The following TULP4 variants were observed in gnomAD, a reference collection of about 807,000 sequenced individuals.
The protein encoded by TULP4 is TUB like protein 4.
A neutral mutation model predicts 129.0 loss-of-function variants in TULP4; 16 were observed. The observed-to-expected ratio is 0.12, with a 90% CI of 0.08 to 0.19. The LOEUF (loss-of-function observed/expected upper bound fraction) is 0.19, where lower values mean the gene tolerates loss of function less well. TULP4 is among the 10% of genes least tolerant of loss of function. The pLI, the probability that TULP4 is intolerant of heterozygous loss-of-function variation, is 1.00. For synonymous variants in TULP4, 998 were observed against 854.0 expected (o/e 1.17, Z -2.94); for missense variants, 1,842 against 2,059.1 (o/e 0.89, Z 2.04).
In TULP4 at chr6:158,502,558, C is replaced by G; in HGVS notation, c.2895C>G (p.Ala965=). The change falls in exon 13 of 14, where the codon GCC becomes GCG. Residue 965 remains alanine, a synonymous_variant. Transcript: ENST00000367097. ...TGDPPPYPEI[A]SQLAQGRGAA... is the part of the protein sequence containing the mutation. Reference sequence around the variant, plus strand: ...ACCCACCCCCGTATCCTGAAATTGCCAGCCAGCTGGCCCAGGGGCGGGGGG... The same window carrying G: ...ACCCACCCCCGTATCCTGAAATTGCGAGCCAGCTGGCCCAGGGGCGGGGGG... 1.2e-6 allele frequency: 2 copies of G among 1,607,518 alleles called. No individual in the cohort carries two copies. The highest frequency in any genetic ancestry group is 1.7e-6 in the Non-Finnish European group (2 of 1,179,928).
rs1562584501 is a variant in TULP4 at position 158,481,072 on chromosome 6, GAAC to G, written c.1274_1276del (p.Asn425del). ...TCCTCCAGCCCCCAATTCCAGATCCGAACAACATGAGAGACTTTGTCAGCTACC... is the reference window on the plus strand; with the variant it reads ...TCCTCCAGCCCCCAATTCCAGATCCGAACATGAGAGACTTTGTCAGCTACC... On this transcript the variant is annotated inframe_deletion, in exon 8 of 14. Coordinates refer to ENST00000367097, the MANE Select transcript of TULP4 (RefSeq NM_020245.5). 6.4e-7 allele frequency: 1 copy of G among 1,574,692 alleles called. No homozygotes were observed. The highest frequency in any genetic ancestry group is 1.2e-5 in the South Asian group (1 of 85,482).
At chr6:158,350,846 C>T (rs985492517) in intron 1 of TULP4, among the ~76,000 whole-genome samples, 1 of 151,676 alleles carries the variant, frequency 6.6e-6, no homozygotes, top group Non-Finnish European at 1.5e-5. Context: ...CTGCAGCCTC[C>T]GCCTCCCGGT....
rs1780485756 is a variant in TULP4, at chr6:158,350,448, A to C, written c.252+36180A>C. 2.6e-5 allele frequency among the ~76,000 whole-genome samples: 4 copies of C among 152,326 alleles called. No homozygotes were observed. The South Asian group carries it at 8.3e-4, about 32-fold the overall frequency. On this transcript the variant is annotated intron_variant, in intron 1 of 13. Transcript: ENST00000367097. ...CCAGCCTGGGCAACATTGAGCACTGAGTGAGTGAGACTCTGTCTGCAATCC... is the reference window on the plus strand; with the variant it reads ...CCAGCCTGGGCAACATTGAGCACTGCGTGAGTGAGACTCTGTCTGCAATCC...
chr6:158,416,827 C>A (rs1778223122), intron 2 of TULP4, among the ~76,000 whole-genome samples: 1 of 152,188 alleles, frequency 6.6e-6, no homozygotes, highest in African/African-American at 2.4e-5. Context: ...AGATGAACCA[C>A]TTTTTATCTT....
intron 1 of TULP4, among the ~76,000 whole-genome samples, chr6:158,283,381 G>C (rs1015995312): frequency 6.6e-6 from 1 of 152,172 alleles, no homozygotes; most frequent in Non-Finnish European, 1.5e-5. Context: ...GAAGCCCCTG[G>C]TGGTAGTTCA....
chr6:158,486,632 TC>T (rs1339681609), intron 8 of TULP4, among the ~76,000 whole-genome samples: 1 of 152,070 alleles, frequency 6.6e-6, no homozygotes, highest in Non-Finnish European at 1.5e-5. Context: ...AAGACAGCGT[TC>T]CCCAGAATCT....
At chr6:158,420,642 T>G (rs1479905990) in intron 2 of TULP4, among the ~76,000 whole-genome samples, 2 of 108,506 alleles carry the variant, frequency 1.8e-5, no homozygotes, top group Non-Finnish European at 4.2e-5. Flanking sequence ...CCACTACACC[T>G]GGCTAATTTT....
chr6:158,433,367 G>T (rs1467454137), intron 3 of TULP4, among the ~76,000 whole-genome samples: 1 of 152,190 alleles, frequency 6.6e-6, no homozygotes, highest in African/African-American at 2.4e-5. Flanking sequence ...ACACTAAAAA[G>T]TGTATAATGT....
chr6:158,376,194 A>T (rs1401144484), intron 1 of TULP4, among the ~76,000 whole-genome samples: 1 of 152,188 alleles, frequency 6.6e-6, no homozygotes, highest in Non-Finnish European at 1.5e-5. Context: ...TCAGTTACTT[A>T]AAAAAGCGGT....
chr6:158,405,439 TTGG>T (rs1289209832), intron 1 of TULP4, among the ~76,000 whole-genome samples: 1 of 152,176 alleles, frequency 6.6e-6, no homozygotes, highest in Non-Finnish European at 1.5e-5. Flanking sequence ...AGACTATTTA[TTGG>T]TGATCAAACA....
chr6:158,383,103 A>C (rs986189832), intron 1 of TULP4, among the ~76,000 whole-genome samples: 9 of 152,090 alleles, frequency 5.9e-5, no homozygotes, highest in African/African-American at 2.2e-4. Context: ...CCAGAATGCA[A>C]CCCCTCTTGC....
intron 1 of TULP4, among the ~76,000 whole-genome samples, chr6:158,367,803 G>C (rs1428317841): frequency 2.0e-5 from 3 of 152,000 alleles, no homozygotes; most frequent in Non-Finnish European, 4.4e-5. Flanking sequence ...CACTTTGGGA[G>C]GTTGAGGTGG....
At chr6:158,289,307 A>G (rs891039788) in intron 1 of TULP4, among the ~76,000 whole-genome samples, 1 of 152,030 alleles carries the variant, frequency 6.6e-6, no homozygotes, top group African/African-American at 2.4e-5. Flanking sequence ...GTCTTTATCT[A>G]TCTTGCCAGA....
chr6:158,362,905 T>C (rs1780829426), intron 1 of TULP4, among the ~76,000 whole-genome samples: 1 of 151,662 alleles, frequency 6.6e-6, no homozygotes, highest in Admixed American at 6.6e-5. Flanking sequence ...ACTAAAAAAA[T>C]ACAAAAATTA....
At chr6:158,482,018 C>A (rs763980326) in intron 8 of TULP4, among the ~76,000 whole-genome samples, 24 of 152,356 alleles carry the variant, frequency 1.6e-4, no homozygotes, top group Non-Finnish European at 2.8e-4. Context: ...TGCCCATCAC[C>A]TATGGCAGAA....
At chr6:158,272,983 C>A (rs1339267083) in intron 1 of TULP4, among the ~76,000 whole-genome samples, 2 of 152,166 alleles carry the variant, frequency 1.3e-5, no homozygotes, top group African/African-American at 4.8e-5. Context: ...CTGGTCCGAT[C>A]TTGTCATTTT....
intron 1 of TULP4, among the ~76,000 whole-genome samples, chr6:158,240,548 G>A (rs1243714374): frequency 3.3e-5 from 3 of 89,684 alleles, no homozygotes; most frequent in Non-Finnish European, 5.1e-5. Context: ...CTCCCGGACG[G>A]GGGCGGCTGG....
chr6:158,364,911 AT>A (rs972444842), intron 1 of TULP4, among the ~76,000 whole-genome samples: 1 of 151,590 alleles, frequency 6.6e-6, no homozygotes, highest in Non-Finnish European at 1.5e-5. Flanking sequence ...AATTTTTTGT[AT>A]TTTTAGTAGA....
intron 1 of TULP4, among the ~76,000 whole-genome samples, chr6:158,342,649 A>G (rs1780207381): frequency 6.6e-6 from 1 of 152,300 alleles, no homozygotes; most frequent in Non-Finnish European, 1.5e-5. Context: ...AGTTGCCTAT[A>G]TTTACTGACT....
Sources: gnomAD v4.1 joint callset for allele counts (sites outside exome capture counted in the v4.1 genomes callset) on GRCh38, gnomAD v4.1.1 for gene constraint, MANE v1.5 for transcripts, NCBI Gene and HGNC (gene_info 2026-07-23, HGNC 2026-07-21) for gene names.